Variants in ANK1 observed in about 807,000 individuals in gnomAD.
ANK1 encodes the protein ankyrin 1.
A neutral mutation model predicts 210.4 loss-of-function variants in ANK1; 51 were observed. The observed-to-expected ratio is 0.24, with a 90% CI of 0.19 to 0.31. The LOEUF is 0.31. ANK1 is among the 10% of genes least tolerant of loss of function. The pLI, the probability that ANK1 is intolerant of heterozygous loss-of-function variation, is 1.00. For synonymous variants in ANK1, 967 were observed against 1,025.9 expected, an observed-to-expected ratio of 0.94 and a Z score of 1.10; for missense variants, 2,051 against 2,504.4, an observed-to-expected ratio of 0.82 and a Z score of 3.86.
chr8:41,710,384 T>C (rs1231458600), intron 16 of ANK1, among the ~76,000 whole-genome samples: 3 of 152,230 alleles, frequency 2.0e-5, no homozygotes, highest in Non-Finnish European at 4.4e-5. Flanking sequence ...TAACCCAACC[T>C]TGAACTTCTG....
At chr8:41,725,585 G>C (rs1183539740) in intron 6 of ANK1, among the ~76,000 whole-genome samples, 176 bp downstream of exon 6, 1 of 152,202 alleles carries the variant, frequency 6.6e-6, no homozygotes, top group Non-Finnish European at 1.5e-5. Flanking sequence ...ATCTGCCAGG[G>C]ATTTAGAGCG....
intron 1 of ANK1, among the ~76,000 whole-genome samples, chr8:41,834,937 G>A (rs930613177): frequency 1.3e-5 from 2 of 152,220 alleles, no homozygotes; most frequent in Admixed American, 6.5e-5. Flanking sequence ...GATCATCCCC[G>A]CTGCCCGGGA....
chr8:41,890,405 C>CA lies in ANK1; in HGVS notation c.126+5949dup, dbSNP rs1369412076. Among the ~76,000 whole-genome samples the CA allele has an allele frequency of 4.6e-5, 7 of 152,024 alleles. No homozygotes were observed. The South Asian group carries it at 8.3e-4, about 18-fold the overall frequency. ...CCAGGCAAAGTTGATCTGCCTTTCT[C>CA]AAAAAAACAAACACTGGCTGGGTGG... On this transcript the variant is annotated intron_variant, in intron 1 of 42. Coordinates refer to the ANK1 transcript ENST00000265709.
In ANK1 at chr8:41,719,693, C is replaced by T. The variant is rs772202187; in HGVS notation, c.1075G>A (p.Asp359Asn). 1.4e-5 allele frequency: 23 copies of T among 1,614,224 alleles called. No individual in the cohort carries two copies. The highest frequency in any genetic ancestry group is 1.5e-5 in the Non-Finnish European group (18 of 1,180,034). Reference sequence around the variant, plus strand: ...CTGGAGTTGGGTTTGGCCCCTTTATCCAGAAGGACCTTAGCCACCCTGTGG... The same window carrying T: ...CTGGAGTTGGGTTTGGCCCCTTTATTCAGAAGGACCTTAGCCACCCTGTGG... ...GHHRVAKVLL[D>N]KGAKPNSRAL... The change falls in exon 10 of 43, where the codon GAT becomes AAT. Residue 359 changes from aspartate to asparagine, a missense_variant. Coordinates refer to ENST00000289734, the MANE Select transcript of ANK1 (RefSeq NM_000037.4).
intron 24 of ANK1, 95 bp from the exon 25 acceptor site, chr8:41,696,868 G>T: frequency 8.4e-7 from 1 of 1,192,722 alleles, no homozygotes; most frequent in Non-Finnish European, 1.2e-6. Flanking sequence ...CTTGCCGCTA[G>T]AAACCAGGTG....
At chr8:41,674,674 C>T (rs75821159) in intron 37 of ANK1, among the ~76,000 whole-genome samples, 1,614 of 152,290 alleles carry the variant, frequency 0.011, 31 homozygotes, top group African/African-American at 0.037. Flanking sequence ...CTGTGTACTC[C>T]GCATGCATTC....
At chr8:41,751,336 G>T (rs1017341530) in intron 2 of ANK1, among the ~76,000 whole-genome samples, 1 of 152,184 alleles carries the variant, frequency 6.6e-6, no homozygotes, top group South Asian at 2.1e-4. Context: ...CCAATCATGG[G>T]TTTTGCCTCA....
intron 1 of ANK1, among the ~76,000 whole-genome samples, chr8:41,788,056 G>A (rs1015787276): frequency 2.6e-5 from 4 of 152,176 alleles, no homozygotes; most frequent in East Asian, 3.8e-4. Context: ...TCGGATTGGC[G>A]TTGACACCAG....
chr8:41,814,019 A>G (rs1802896047), intron 1 of ANK1, among the ~76,000 whole-genome samples: 1 of 152,242 alleles, frequency 6.6e-6, no homozygotes, highest in Non-Finnish European at 1.5e-5. Flanking sequence ...TCCTGTTACA[A>G]GAACAGATTC....
chr8:41,665,285 A>G, intron 39 of ANK1: 1 of 1,474,304 alleles, frequency 6.8e-7, no homozygotes, highest in Non-Finnish European at 9.0e-7. Flanking sequence ...GGCCCGGGTG[A>G]CATCACGCTC....
At chr8:41,785,024 G>A (rs183587470) in intron 1 of ANK1, among the ~76,000 whole-genome samples, 13 of 152,286 alleles carry the variant, frequency 8.5e-5, no homozygotes, top group South Asian at 2.1e-4. Context: ...CTCGAGCCCC[G>A]GCTTCTCCTC....
chr8:41,716,708 T>A (rs1827777401), intron 13 of ANK1, among the ~76,000 whole-genome samples: 1 of 152,210 alleles, frequency 6.6e-6, no homozygotes, highest in Non-Finnish European at 1.5e-5. Flanking sequence ...CAGGACATAC[T>A]CAGGCCAGCC....
chr8:41,772,728 C>T (rs925814564), intron 1 of ANK1, among the ~76,000 whole-genome samples: 1 of 152,256 alleles, frequency 6.6e-6, no homozygotes, highest in Non-Finnish European at 1.5e-5. Flanking sequence ...GCTGCCCTTG[C>T]AGTGTCCTGC....
At position 41,877,759 on chromosome 8, in the gene ANK1, T is replaced by C. The variant is rs1044481642; in HGVS notation, c.126+18596A>G. 4.6e-5 allele frequency among the ~76,000 whole-genome samples: 7 copies of C among 152,290 alleles called. No individual in the cohort carries two copies. The East Asian group carries it at 9.6e-4, about 21-fold the overall frequency. On this transcript the variant is annotated intron_variant, in intron 1 of 42. Coordinates refer to the ANK1 transcript ENST00000265709. Reference sequence around the variant, plus strand: ...CGCTGGAGAGCAGTCGTCTGGGCAGTCCTCTCTGAGGAAGCGACATCTGAG... The same window carrying C: ...CGCTGGAGAGCAGTCGTCTGGGCAGCCCTCTCTGAGGAAGCGACATCTGAG...
At chr8:41,878,426 A>G (rs1199648758) in intron 1 of ANK1, among the ~76,000 whole-genome samples, 3 of 152,212 alleles carry the variant, frequency 2.0e-5, no homozygotes, top group Admixed American at 6.5e-5. Context: ...ACCAGAAACC[A>G]CATGGAAATT....
At chr8:41,842,461 C>CCAG (rs1436093204) in intron 1 of ANK1, among the ~76,000 whole-genome samples, 1 of 151,994 alleles carries the variant, frequency 6.6e-6, no homozygotes, top group Non-Finnish European at 1.5e-5. Context: ...CCACTGCCCT[C>CCAG]CAGCCCAGGC....
intron 9 of ANK1, among the ~76,000 whole-genome samples, chr8:41,722,381 A>T (rs1829489341): frequency 1.3e-5 from 2 of 152,210 alleles, no homozygotes; most frequent in African/African-American, 4.8e-5. Flanking sequence ...CTAAGCCATC[A>T]TTTTATGACA....
In ANK1 at chr8:41,696,489, G is replaced by A. The variant is rs373287341; in HGVS notation, c.2834C>T (p.Ala945Val). 2.0e-5 allele frequency: 33 copies of A among 1,613,302 alleles called. No individual in the cohort carries two copies. Among genetic ancestry groups the A allele is most frequent in the Non-Finnish European group, 2.4e-5 (28 of 1,179,992 alleles). ...RVVIPPRTCA[A>V]PTRITCRLVK... Reference sequence around the variant, plus strand: ...CAGGCGGCAGGTGATGCGGGTGGGCGCTGCGCACGTCCGTGGCGGGATCAC... The same window carrying A: ...CAGGCGGCAGGTGATGCGGGTGGGCACTGCGCACGTCCGTGGCGGGATCAC... Residue 945 changes from alanine (A) to valine (V), a missense_variant, in exon 26 of 43, where the codon GCG (alanine) becomes GTG (valine). Physicochemically the swap from Ala to Val is moderately conservative, Grantham distance 64. Transcript: ENST00000289734.
intron 3 of ANK1, among the ~76,000 whole-genome samples, chr8:41,728,380 G>A (rs572463733): frequency 6.6e-6 from 1 of 152,312 alleles, no homozygotes; most frequent in Non-Finnish European, 1.5e-5. Context: ...GTGCACACGT[G>A]GACATACAGA....
Sources: gnomAD v4.1 joint callset for allele counts (sites outside exome capture counted in the v4.1 genomes callset) on GRCh38, gnomAD v4.1.1 for gene constraint, MANE v1.5 for transcripts, NCBI Gene and HGNC (gene_info 2026-07-23, HGNC 2026-07-21) for gene names.